The following CCDC91 variants were observed in gnomAD, a reference collection of about 807,000 sequenced individuals.
CCDC91 encodes coiled-coil domain-containing protein 91.
In CCDC91, 48 loss-of-function variants were observed where a neutral mutation model predicts 63.2. That is an observed-to-expected ratio of 0.76 (90% CI 0.60 to 0.97). The LOEUF is 0.97. Among genes scored for constraint, CCDC91 ranks in the 50% least tolerant of loss-of-function variants. The pLI is 0.00. For missense variants in CCDC91, 500 were observed against 494.6 expected (o/e 1.01, Z -0.10); for synonymous variants, 167 against 165.8 (o/e 1.01, Z -0.06).
chr12:28,209,488 G>T (rs1010329404), intron 1 of CCDC91, among the ~76,000 whole-genome samples: 1 of 151,914 alleles, frequency 6.6e-6, no homozygotes, highest in Non-Finnish European at 1.5e-5. Flanking sequence ...TCTTTCGCCC[G>T]TGGTGTGATC....
chr12:28,329,781 A>T (rs1318614696), intron 6 of CCDC91, among the ~76,000 whole-genome samples: 5 of 151,996 alleles, frequency 3.3e-5, no homozygotes, highest in Admixed American at 3.3e-4. Context: ...CCACCCTGTG[A>T]CAGGCCCCAG....
intron 12 of CCDC91, among the ~76,000 whole-genome samples, chr12:28,520,630 A>G (rs1940524933): frequency 6.6e-6 from 1 of 152,104 alleles, no homozygotes; most frequent in Non-Finnish European, 1.5e-5. Context: ...GGTGTTTTAG[A>G]CATGAAGTCC....
intron 11 of CCDC91, among the ~76,000 whole-genome samples, chr12:28,470,521 G>A (rs1190863460): frequency 6.6e-6 from 1 of 152,102 alleles, no homozygotes; most frequent in Non-Finnish European, 1.5e-5. Flanking sequence ...GTGGAGAAGG[G>A]TTTGGAGGTT....
intron 12 of CCDC91, among the ~76,000 whole-genome samples, chr12:28,546,848 A>G (rs1227021562): frequency 6.6e-6 from 1 of 152,124 alleles, no homozygotes; most frequent in Non-Finnish European, 1.5e-5. Context: ...CACAATTTAC[A>G]ATATGCAGAT....
chr12:28,289,692 T>TC (rs1236301296), intron 3 of CCDC91, among the ~76,000 whole-genome samples: 2 of 85,622 alleles, frequency 2.3e-5, no homozygotes, highest in East Asian at 4.7e-4. Context: ...TTTCTTTTTT[T>TC]TTTTTTTTTT....
At chr12:28,352,431 T>C (rs1197886842) in intron 6 of CCDC91, among the ~76,000 whole-genome samples, 1 of 152,244 alleles carries the variant, frequency 6.6e-6, no homozygotes, top group African/African-American at 2.4e-5. Flanking sequence ...TCTCAATTCC[T>C]GCCACTACTT....
intron 8 of CCDC91, among the ~76,000 whole-genome samples, chr12:28,439,005 T>G (rs1949046938): frequency 6.6e-6 from 1 of 152,166 alleles, no homozygotes. Context: ...AGAGACATCA[T>G]ATGAAAATAT....
rs543462240 is a variant in CCDC91, at chr12:28,261,758, C to T, written c.109+2316C>T. Among the ~76,000 whole-genome samples, 17 of 151,998 alleles carry T rather than the reference C, an allele frequency of 1.1e-4. No homozygotes were observed. In the South Asian group the frequency reaches 2.9e-3, roughly 26 times the overall value. ...GTGAATATTATATGTCACATCTGCA[C>T]GTCTGTGTATTAGTGGGTCAAGTTC... On this transcript the variant is annotated intron_variant, in intron 3 of 12. Coordinates refer to ENST00000536442, the MANE Select transcript of CCDC91 (RefSeq NM_018318.5).
In CCDC91 at chr12:28,306,805, A is replaced by G. The variant is rs753599924; in HGVS notation, c.331A>G (p.Lys111Glu). The G allele has an allele frequency of 1.9e-5, 31 of 1,612,304 alleles. No homozygotes were observed. Among genetic ancestry groups the G allele is most frequent in the Middle Eastern group, 1.6e-4 (1 of 6,070 alleles). ...TTTTCCATTGGGTTTAACTGATGAA[A>G]AAAGTAATGGAACAATTGCCCTTGT... is the stretch of plus-strand genomic sequence containing the variant. The part of the protein sequence containing the change: ...SLFPLGLTDE[K>E]SNGTIALVDD... Residue 111 changes from lysine (K) to glutamate (E), a missense_variant, in exon 5 of 13, where the codon AAA becomes GAA. Transcript: ENST00000536442.
intron 12 of CCDC91, among the ~76,000 whole-genome samples, chr12:28,485,717 A>C (rs1366704074): frequency 6.6e-6 from 1 of 152,188 alleles, no homozygotes; most frequent in East Asian, 1.9e-4. Flanking sequence ...TAACCTTCTA[A>C]GGGGAAAATT....
chr12:28,226,672 A>G (rs1233459723), intron 1 of CCDC91, among the ~76,000 whole-genome samples: 4 of 152,160 alleles, frequency 2.6e-5, no homozygotes, highest in Admixed American at 6.5e-5. Flanking sequence ...TGAATGGCCA[A>G]TATTTATACA....
intron 7 of CCDC91, among the ~76,000 whole-genome samples, chr12:28,377,142 G>A (rs1301344281): frequency 6.7e-6 from 1 of 148,186 alleles, no homozygotes; most frequent in Admixed American, 6.7e-5. Flanking sequence ...TTAATATCGT[G>A]TTTACTTAAA....
At chr12:28,446,288 T>C (rs1949497561) in intron 8 of CCDC91, among the ~76,000 whole-genome samples, 1 of 152,218 alleles carries the variant, frequency 6.6e-6, no homozygotes, top group Non-Finnish European at 1.5e-5. Flanking sequence ...ATATCTTTTG[T>C]GGCTATTGTG....
intron 1 of CCDC91, among the ~76,000 whole-genome samples, chr12:28,217,245 A>G (rs1165945008): frequency 6.6e-6 from 1 of 152,204 alleles, no homozygotes; most frequent in Non-Finnish European, 1.5e-5. Flanking sequence ...GTAAACACAC[A>G]GAATATATGT....
chr12:28,275,746 A>G (rs1433272516), intron 3 of CCDC91, among the ~76,000 whole-genome samples: 5 of 152,290 alleles, frequency 3.3e-5, no homozygotes, highest in African/African-American at 1.2e-4. Flanking sequence ...AACCAAATCC[A>G]GCAGCACATC....
chr12:28,207,523 G>C (rs7973516), intron 1 of CCDC91, among the ~76,000 whole-genome samples: 39,697 of 152,048 alleles, frequency 0.26, 5,450 homozygotes, highest in Non-Finnish European at 0.31. Flanking sequence ...CGTGTTATAA[G>C]ATCAGTCCTC....
chr12:28,425,901 G>A (rs955661929), intron 8 of CCDC91, among the ~76,000 whole-genome samples: 1 of 152,122 alleles, frequency 6.6e-6, no homozygotes, highest in Non-Finnish European at 1.5e-5. Context: ...GCATACTTAA[G>A]TTTGAAAACT....
At chr12:28,192,472 TC>T (rs945261962) in intron 1 of CCDC91, among the ~76,000 whole-genome samples, 1 of 152,328 alleles carries the variant, frequency 6.6e-6, no homozygotes, top group Non-Finnish European at 1.5e-5. Flanking sequence ...GTCAACCTGT[TC>T]CTTGTGATTT....
At chr12:28,475,834 A>G (rs1951055412) in intron 11 of CCDC91, among the ~76,000 whole-genome samples, 1 of 151,972 alleles carries the variant, frequency 6.6e-6, no homozygotes. Flanking sequence ...TTCTATATAA[A>G]TTACCCAGTC....
Sources: allele counts gnomAD v4.1 joint callset (sites outside exome capture counted in the v4.1 genomes callset), GRCh38; gene constraint gnomAD v4.1.1; transcripts MANE v1.5; gene names NCBI Gene and HGNC (gene_info 2026-07-23, HGNC 2026-07-21).